CCDC6: variants seen among roughly 807,000 people sequenced by gnomAD.
CCDC6 encodes the protein coiled-coil domain containing 6, also known as coiled-coil domain-containing protein 6.
In CCDC6, 20 loss-of-function variants were observed where a neutral mutation model predicts 56.6. That is an observed-to-expected ratio of 0.35 (90% CI 0.25 to 0.51). The LOEUF (loss-of-function observed/expected upper bound fraction) is 0.51. Among genes scored for constraint, CCDC6 ranks in the 20% least tolerant of loss-of-function variants. CCDC6 has a pLI of 0.95. For missense variants in CCDC6, 367 were observed against 601.1 expected (o/e 0.61, Z 4.07); for synonymous variants, 241 against 234.4 (o/e 1.03, Z -0.26).
chr10:59,793,685 G>A (rs1271352331), intron 8 of CCDC6, among the ~76,000 whole-genome samples: 1 of 151,778 alleles, frequency 6.6e-6, no homozygotes, highest in Non-Finnish European at 1.5e-5. Context: ...TCGGGAGGCT[G>A]AGGCAAGAGA....
chr10:59,836,052 T>TTAAAAA (rs777308614), intron 2 of CCDC6, among the ~76,000 whole-genome samples: 9 of 57,596 alleles, frequency 1.6e-4, no homozygotes, highest in African/African-American at 5.3e-4. Context: ...CGACCCTGTC[T>TTAAAAA]AAAAAAAAAA....
chr10:59,837,244 G>C (rs1009990092), intron 2 of CCDC6, among the ~76,000 whole-genome samples: 1 of 152,190 alleles, frequency 6.6e-6, no homozygotes, highest in Non-Finnish European at 1.5e-5. Context: ...ATTTACCTGG[G>C]AGAACCTCCT....
At chr10:59,883,433 T>C (rs1185993349) in intron 1 of CCDC6, among the ~76,000 whole-genome samples, 1 of 152,222 alleles carries the variant, frequency 6.6e-6, no homozygotes, top group Non-Finnish European at 1.5e-5. Context: ...CTGTCACACT[T>C]GATACAAGAA....
chr10:59,806,701 G>T, intron 6 of CCDC6: 1 of 464,158 alleles, frequency 2.2e-6, no homozygotes. Context: ...CCCACCAAAT[G>T]ATTTTAGAGA....
At chr10:59,837,295 G>T (rs1299711610) in intron 2 of CCDC6, among the ~76,000 whole-genome samples, 1 of 152,220 alleles carries the variant, frequency 6.6e-6, no homozygotes, top group Non-Finnish European at 1.5e-5. Flanking sequence ...TGGATGCTGA[G>T]AGCACCTTCC....
intron 1 of CCDC6, among the ~76,000 whole-genome samples, chr10:59,862,512 T>TACAC (rs1316378076): frequency 4.0e-5 from 3 of 75,416 alleles, no homozygotes; most frequent in African/African-American, 1.7e-4. Flanking sequence ...TATATATATA[T>TACAC]ATATACACAC....
intron 6 of CCDC6, among the ~76,000 whole-genome samples, chr10:59,805,788 T>C (rs1354647445): frequency 6.6e-6 from 1 of 152,226 alleles, no homozygotes; most frequent in Non-Finnish European, 1.5e-5. Context: ...TTTTCCTTTT[T>C]TTCTCATTAT....
At chr10:59,860,923 G>A (rs550914653) in intron 1 of CCDC6, among the ~76,000 whole-genome samples, 18 of 152,156 alleles carry the variant, frequency 1.2e-4, no homozygotes, top group African/African-American at 4.1e-4. Flanking sequence ...GGCTGGGCAC[G>A]GTGACTCATG....
intron 2 of CCDC6, among the ~76,000 whole-genome samples, chr10:59,849,527 T>C (rs2071020609): frequency 6.6e-6 from 1 of 152,236 alleles, no homozygotes; most frequent in African/African-American, 2.4e-5. Context: ...GCAAGTCTCA[T>C]TTTGTTCTCA....
At chr10:59,808,717 T>C (rs941544451) in intron 5 of CCDC6, among the ~76,000 whole-genome samples, 1 of 152,198 alleles carries the variant, frequency 6.6e-6, no homozygotes, top group Non-Finnish European at 1.5e-5. Context: ...AATGAGCATT[T>C]TTCTCCCACA....
At chr10:59,829,462 T>C (rs1028346046) in intron 3 of CCDC6, among the ~76,000 whole-genome samples, 1 of 152,104 alleles carries the variant, frequency 6.6e-6, no homozygotes, top group African/African-American at 2.4e-5. Context: ...CACAAAAAAA[T>C]TATACGTGAA....
At chr10:59,899,180 A>G (rs2071485965) in intron 1 of CCDC6, among the ~76,000 whole-genome samples, 1 of 152,196 alleles carries the variant, frequency 6.6e-6, no homozygotes, top group Admixed American at 6.5e-5. Context: ...CCAGAGGATT[A>G]GTTCCTCTGT....
chr10:59,797,510 C>G (rs2070531124), intron 7 of CCDC6, among the ~76,000 whole-genome samples: 1 of 131,288 alleles, frequency 7.6e-6, no homozygotes, highest in African/African-American at 2.9e-5. Context: ...GCAAGAAAAC[C>G]AGAAATGTCA....
chr10:59,888,807 T>G (rs1435232499), intron 1 of CCDC6, among the ~76,000 whole-genome samples: 1 of 152,202 alleles, frequency 6.6e-6, no homozygotes, highest in Non-Finnish European at 1.5e-5. Context: ...GTTTGTGGAT[T>G]CACTCTACTT....
intron 1 of CCDC6, among the ~76,000 whole-genome samples, chr10:59,895,821 C>A (rs1212288332): frequency 6.6e-6 from 1 of 152,142 alleles, no homozygotes; most frequent in Non-Finnish European, 1.5e-5. Context: ...CACTGGAAAG[C>A]CTAACAGTGT....
chr10:59,844,705 T>A (rs1160618179), intron 2 of CCDC6, among the ~76,000 whole-genome samples: 2 of 142,012 alleles, frequency 1.4e-5, no homozygotes, highest in Non-Finnish European at 3.0e-5. Context: ...GAGGTTGCAG[T>A]GAGCCAAGAT....
chr10:59,792,948 T>C lies in CCDC6; in HGVS notation c.1394A>G (p.Gln465Arg), dbSNP rs1447161068. The C allele has an allele frequency of 1.2e-6, 2 of 1,611,574 alleles. No homozygotes were observed. The highest frequency in any genetic ancestry group is 1.1e-5 in the South Asian group (1 of 90,562). ...SAATSQPTPS[Q>R]HSAHPSSQP ...CTGGGAGGAGGGGTGCGCCGAATGT[T>C]GCGAAGGAGTAGGCTGCGAGGTGGC... The change falls in exon 9 of 9, where the codon CAA becomes CGA. Residue 465 changes from glutamine (Q) to arginine (R), a missense_variant. Gln to Arg is a conservative substitution (Grantham distance 43). Around this residue, in one of 7 missense-constraint regions of CCDC6, gnomAD observed 54 missense variants for 60.0 expected, o/e 0.90. Coordinates refer to ENST00000263102, the MANE Select transcript of CCDC6 (RefSeq NM_005436.5).
chr10:59,879,446 T>G (rs549227228), intron 1 of CCDC6, among the ~76,000 whole-genome samples: 285 of 152,298 alleles, frequency 1.9e-3, no homozygotes, highest in African/African-American at 6.5e-3. Context: ...CAAACTAATC[T>G]GACACAGCTA....
chr10:59,833,363 C>T (rs552178994), intron 2 of CCDC6, among the ~76,000 whole-genome samples: 2 of 152,040 alleles, frequency 1.3e-5, no homozygotes, highest in East Asian at 1.9e-4. Context: ...ACAAGAGAAT[C>T]GCTTGAACCC....
Sources: allele counts gnomAD v4.1 joint callset (sites outside exome capture counted in the v4.1 genomes callset), GRCh38; gene constraint gnomAD v4.1.1; regional missense constraint gnomAD v4.1.1; transcripts MANE v1.5; gene names NCBI Gene and HGNC (gene_info 2026-07-23, HGNC 2026-07-21).